Variants in SPATA1 observed in about 807,000 individuals in gnomAD.
SPATA1 encodes spermatogenesis associated 1, also known as spermatogenesis-associated protein 1.
A neutral mutation model predicts 59.6 loss-of-function variants in SPATA1; 57 were observed. The observed-to-expected ratio is 0.96, with a 90% CI of 0.77 to 1.19. The LOEUF is 1.19. SPATA1 is among the 50% of genes most tolerant of loss of function. The pLI is 0.00. For synonymous variants in SPATA1, 147 were observed against 163.9 expected (o/e 0.90, Z 0.79); for missense variants, 448 against 480.7 (o/e 0.93, Z 0.64).
intron 4 of SPATA1, chr1:84,563,688 A>G: frequency 8.6e-7 from 1 of 1,164,864 alleles, no homozygotes. Context: ...GAGACTCTAA[A>G]AAATATAATA....
At chr1:84,525,817 A>T in intron 5 of SPATA1, 28 bp from the exon 6 acceptor site, 2 of 1,604,948 alleles carry the variant, frequency 1.2e-6, no homozygotes, top group East Asian at 4.5e-5. Context: ...ATTGCAAACT[A>T]ACTTTTAAAA....
At position 84,525,820 on chromosome 1, in the gene SPATA1, T is replaced by C. The variant is rs368063564; in HGVS notation, c.316-25T>C. 12 of 1,604,708 alleles carry C rather than the reference T, an allele frequency of 7.5e-6. No homozygotes were observed. The African/African-American group carries it at 1.1e-4, about 14-fold the overall frequency. On this transcript the variant is annotated intron_variant, in intron 5 of 12. Transcript: ENST00000490879. Reference sequence around the variant, plus strand: ...GCACTGCTTTTAATTGCAAACTAACTTTTAAAATTTCCTATATGTTTTAGG... The same window carrying C: ...GCACTGCTTTTAATTGCAAACTAACCTTTAAAATTTCCTATATGTTTTAGG...
chr1:84,533,972 A>G (rs1349270564), intron 8 of SPATA1, among the ~76,000 whole-genome samples: 1 of 152,092 alleles, frequency 6.6e-6, no homozygotes, highest in Non-Finnish European at 1.5e-5. Context: ...GTTATCCACC[A>G]ACACCTTTTT....
At chr1:84,527,424 T>C (rs1683267581) in intron 6 of SPATA1, 1 of 152,088 alleles carries the variant, frequency 6.6e-6, no homozygotes, top group African/African-American at 2.4e-5. Context: ...GTATAAAGTA[T>C]ACTTTTACTA....
Position 84,563,094 on chromosome 1 carries a change from T to C in SPATA1, n.443-2767T>C, listed in dbSNP as rs1342594396. Among the ~76,000 whole-genome samples, 3 of 152,182 alleles carry C rather than the reference T, an allele frequency of 2.0e-5. No individual in the cohort carries two copies. In the East Asian group the frequency reaches 5.8e-4, roughly 29 times the overall value. On this transcript the variant is annotated intron_variant and non_coding_transcript_variant, in intron 4 of 4. Transcript: ENST00000460286. ...CCAATTGCTCGCCAGGGAACTAAAG[T>C]TCCTGATTACAGATTCAAAGACAAG...
intron 8 of SPATA1, among the ~76,000 whole-genome samples, chr1:84,536,636 G>A (rs1436656567): frequency 1.3e-5 from 2 of 151,950 alleles, no homozygotes; most frequent in Non-Finnish European, 2.9e-5. Flanking sequence ...AGTACAGACG[G>A]TGTTTCACCG....
At chr1:84,518,329 G>A (rs1029497745) in intron 2 of SPATA1, among the ~76,000 whole-genome samples, 1 of 151,986 alleles carries the variant, frequency 6.6e-6, no homozygotes, top group African/African-American at 2.4e-5. Context: ...TTGACATTAA[G>A]GAATTTTAAT....
exon 6 of SPATA1, chr1:84,525,921 T>C (rs942233592): frequency 2.5e-5 from 41 of 1,613,628 alleles, no homozygotes; most frequent in Non-Finnish European, 3.4e-5. Context: ...ACAGTTATTT[T>C]AGATGAGCGG....
intron 7 of SPATA1, 106 bp downstream of exon 7, chr1:84,533,080 G>A (rs1683537849): frequency 4.5e-6 from 3 of 670,250 alleles, no homozygotes; most frequent in Non-Finnish European, 7.1e-6. Flanking sequence ...AGATATGAGT[G>A]AAATTAGTGA....
chr1:84,545,686 G>A (rs969020646), exon 10 of SPATA1: 18 of 1,535,454 alleles, frequency 1.2e-5, no homozygotes, highest in East Asian at 2.5e-5. Flanking sequence ...GAAGGTATCT[G>A]GAAAGAAATA....
intron 1 of SPATA1, among the ~76,000 whole-genome samples, chr1:84,514,110 G>T (rs1682693256): frequency 6.6e-6 from 1 of 152,082 alleles, no homozygotes; most frequent in Non-Finnish European, 1.5e-5. Context: ...CTCCCAAAGT[G>T]CTGGGATTAT....
chr1:84,515,762 C>T (rs1214913554), intron 1 of SPATA1, among the ~76,000 whole-genome samples: 2 of 151,990 alleles, frequency 1.3e-5, no homozygotes, highest in Non-Finnish European at 2.9e-5. Flanking sequence ...TGATTGTTCA[C>T]GTTTTTTATT....
intron 8 of SPATA1, among the ~76,000 whole-genome samples, chr1:84,541,959 G>T (rs1466568299): frequency 5.3e-5 from 8 of 151,806 alleles, no homozygotes; most frequent in African/African-American, 1.5e-4. Context: ...TTGTTTTTTT[G>T]TTGTTGTTGT....
At chr1:84,516,780 T>C (rs1682811319) in intron 2 of SPATA1, among the ~76,000 whole-genome samples, 1 of 152,174 alleles carries the variant, frequency 6.6e-6, no homozygotes, top group Admixed American at 6.5e-5. Context: ...GGTTAATGCA[T>C]TTCTCCACCT....
intron 8 of SPATA1, among the ~76,000 whole-genome samples, chr1:84,543,625 C>G (rs114773991): frequency 2.6e-4 from 40 of 152,190 alleles, no homozygotes; most frequent in African/African-American, 9.6e-4. Flanking sequence ...GATACAATCA[C>G]CTCCCACCAG....
At chr1:84,516,335 T>C in exon 2 of SPATA1, 1 of 1,509,592 alleles carries the variant, frequency 6.6e-7, no homozygotes. Context: ...CAATTGATAA[T>C]TATCCCATTC....
At chr1:84,552,998 G>C in intron 12 of SPATA1, 1 of 1,320,946 alleles carries the variant, frequency 7.6e-7, no homozygotes, top group South Asian at 1.4e-5. Context: ...AGAAGGGTAT[G>C]ATGAAGTTCA....
chr1:84,546,707 T>C (rs986784472), intron 10 of SPATA1, among the ~76,000 whole-genome samples: 4 of 152,156 alleles, frequency 2.6e-5, no homozygotes, highest in African/African-American at 9.7e-5. Context: ...ACCTGCCTAT[T>C]TCCTATTAGT....
At chr1:84,525,796 C>T (rs1683193001) in intron 5 of SPATA1, 47 bp downstream of exon 5, 4 of 1,605,336 alleles carry the variant, frequency 2.5e-6, no homozygotes, top group African/African-American at 2.7e-5. Context: ...TAACTTAGAG[C>T]ACTGCTTTTA....
Sources: gnomAD v4.1 joint callset for allele counts (sites outside exome capture counted in the v4.1 genomes callset) on GRCh38, gnomAD v4.1.1 for gene constraint, MANE v1.5 for transcripts, NCBI Gene and HGNC (gene_info 2026-07-23, HGNC 2026-07-21) for gene names.